RSPH3: variants seen among roughly 807,000 people sequenced by gnomAD.
RSPH3 encodes the protein radial spoke head protein 3 homolog.
RSPH3 carries 21 observed loss-of-function variants against 43.8 expected under a neutral mutation model. That is an observed-to-expected ratio of 0.48 (90% CI 0.34 to 0.69). The LOEUF (loss-of-function observed/expected upper bound fraction) is 0.69. Ranked by LOEUF, RSPH3 falls within the 30% of genes least tolerant of loss-of-function variation. RSPH3 has a pLI of 0.01. For synonymous variants in RSPH3, 173 were observed against 179.8 expected, an observed-to-expected ratio of 0.96 and a Z score of 0.30; for missense variants, 487 against 516.0, an observed-to-expected ratio of 0.94 and a Z score of 0.54.
intron 1 of RSPH3, among the ~76,000 whole-genome samples, chr6:158,994,134 T>C (rs1163073207): frequency 1.3e-5 from 2 of 152,228 alleles, no homozygotes; most frequent in Non-Finnish European, 2.9e-5. Context: ...TTATTTTATT[T>C]ATTATTCACA....
At chr6:158,994,881 T>C (rs1290704732) in intron 1 of RSPH3, among the ~76,000 whole-genome samples, 1 of 152,200 alleles carries the variant, frequency 6.6e-6, no homozygotes, top group East Asian at 1.9e-4. Context: ...GAAGCCACTA[T>C]TGAACATTCT....
rs1340005568 is a variant in RSPH3 at position 158,993,924 on chromosome 6, T to C, written c.119A>G (p.Asp40Gly). 8 of 1,599,364 alleles carry C rather than the reference T, an allele frequency of 5.0e-6. No homozygotes were observed. Among genetic ancestry groups the C allele is most frequent in the Non-Finnish European group, 6.9e-6 (8 of 1,167,074 alleles). ...SRYRDSLTQP[D>G]EEPMHYGNIM... ...GTTTCCATAATGCATAGGTTCTTCA[T>C]CTCTGTAAAACAGAAAATTCTGTAT... is the stretch of plus-strand genomic sequence containing the variant. Residue 40 changes from aspartate to glycine, a missense_variant and splice_region_variant, in exon 2 of 8, where the codon GAT (aspartate) becomes GGT (glycine). Physicochemically the swap from Asp to Gly is moderately conservative, Grantham distance 94. Coordinates refer to ENST00000367069, the MANE Select transcript of RSPH3 (RefSeq NM_031924.8).
chr6:158,973,894 C>T lies in RSPH3; in HGVS notation c.*3644G>A, dbSNP rs1281267074. The T allele has an allele frequency of 6.6e-6, 1 of 151,446 alleles. No individual in the cohort carries two copies. Among genetic ancestry groups the T allele is most frequent in the Non-Finnish European group, 1.5e-5 (1 of 67,920 alleles). The allele number at this position is 151,446 out of a possible 1,614,324, so 9.4% of individuals were successfully genotyped here. On this transcript the variant is annotated 3_prime_UTR_variant, in exon 8 of 8. Transcript: ENST00000367069. The stretch of plus-strand genomic sequence containing the variant: ...ACCGGGCTGGAGTGCAGCGGCGCGA[C>T]CTCCTGGGTTCAAGTGATTCTTATG...
chr6:158,999,331 G>T, intron 1 of RSPH3, 104 bp downstream of exon 1: 1 of 1,068,236 alleles, frequency 9.4e-7, no homozygotes, highest in Non-Finnish European at 1.3e-6. Context: ...TGCAGCCAAG[G>T]GAAGACAGCA....
intron 7 of RSPH3, 151 bp downstream of exon 7, chr6:158,978,109 T>C: frequency 9.4e-6 from 6 of 636,908 alleles, no homozygotes; most frequent in Non-Finnish European, 1.6e-5. Flanking sequence ...CCAAAAATAA[T>C]ATTGAGGGTA....
intron 1 of RSPH3, among the ~76,000 whole-genome samples, chr6:158,999,221 T>C (rs1406627385): frequency 2.6e-5 from 4 of 152,180 alleles, no homozygotes; most frequent in African/African-American, 9.7e-5. Flanking sequence ...CAGCAACTCA[T>C]ATCACTAAAA....
chr6:158,999,150 A>G (rs1250862088), intron 1 of RSPH3, among the ~76,000 whole-genome samples: 1 of 152,256 alleles, frequency 6.6e-6, no homozygotes, highest in Non-Finnish European at 1.5e-5. Context: ...CCCTCAATAC[A>G]CACTGGTACA....
chr6:158,964,643 C>A, the RSPH3 span, among the ~76,000 whole-genome samples: 6 of 152,000 alleles, frequency 3.9e-5, no homozygotes, highest in East Asian at 9.6e-4. Context: ...TCTCTTTAAA[C>A]CCTTTACTCA....
At chr6:158,982,218 C>T (rs2128606532) in intron 5 of RSPH3, among the ~76,000 whole-genome samples, 1 of 152,310 alleles carries the variant, frequency 6.6e-6, no homozygotes, top group South Asian at 2.1e-4. Flanking sequence ...AACTGGCACA[C>T]ATGTAACTTA....
chr6:158,969,265 G>T (rs1168528192), downstream of RSPH3, among the ~76,000 whole-genome samples: 6 of 152,144 alleles, frequency 3.9e-5, no homozygotes, highest in Non-Finnish European at 5.9e-5. Context: ...TCATTTTAAA[G>T]GATAGTTTTG....
rs1163057080 is a variant in RSPH3, at chr6:158,983,773, TA to T, written c.380del (p.Ile127LysfsTer35). Reference sequence around the variant, plus strand: ...CTGTTTGGCATTCCATATCAACTTCTATTATGCGATCAGCAATTTCTTCAAG... The same window carrying T: ...CTGTTTGGCATTCCATATCAACTTCTTTATGCGATCAGCAATTTCTTCAAG... ...LYLEEIADRI[I>X]EVDMECQTDA... On this transcript the variant is annotated frameshift_variant, in exon 4 of 8. Transcript: ENST00000367069. LOFTEE classifies it high-confidence loss of function. 1 of 1,603,336 alleles carries T rather than the reference TA, an allele frequency of 6.2e-7. No individual in the cohort carries two copies. The highest frequency in any genetic ancestry group is 1.7e-5 in the Admixed American group (1 of 59,986).
In RSPH3 at chr6:158,984,434, T is replaced by TTTTATATATATATATATATA. The variant is rs1300418942; in HGVS notation, c.347-628_347-627insTATATATATATATATATAAA. Among the ~76,000 whole-genome samples the TTTTATATATATATATATATA allele has an allele frequency of 6.8e-3, 430 of 63,610 alleles. 49 individuals carry two copies. Among genetic ancestry groups the TTTTATATATATATATATATA allele is most frequent in the East Asian group, 0.017 (30 of 1,736 alleles). 41.7% of individuals were successfully genotyped at this position (63,610 alleles called of 152,430 possible). ...AGTACAACAGTGGATAAAAAGTCAATTATATATATATATATATATATATAT... is the reference window on the plus strand; with the variant it reads ...AGTACAACAGTGGATAAAAAGTCAATTTTATATATATATATATATATATATATATATATATATATATATAT... On this transcript the variant is annotated intron_variant, in intron 3 of 7. Transcript: ENST00000367069.
downstream of RSPH3, among the ~76,000 whole-genome samples, chr6:158,972,255 T>C (rs529128525): frequency 6.6e-6 from 1 of 152,266 alleles, no homozygotes; most frequent in South Asian, 2.1e-4. Flanking sequence ...TAAGACAGAA[T>C]TGCTATCTAC....
rs1777893617 is a variant in RSPH3, at chr6:158,977,703, G to A, written c.1092C>T (p.Ser364=). The change falls in exon 8 of 8, where the codon AGC becomes AGT. Residue 364 remains serine (S), a synonymous_variant. Transcript: ENST00000367069. ...SLEASEFLEQ[S]MSQTRELLLD... is the part of the protein sequence containing the mutation. ...AAAGCAGCTCCCGTGTCTGTGACATGCTCTGCTCCAGGAATTCAGAGGCCT... is the reference window on the plus strand; with the variant it reads ...AAAGCAGCTCCCGTGTCTGTGACATACTCTGCTCCAGGAATTCAGAGGCCT... The A allele has an allele frequency of 6.2e-7, 1 of 1,614,118 alleles. No homozygotes were observed.
chr6:158,980,871 G>A lies in RSPH3; in HGVS notation c.762C>T (p.Ala254=), dbSNP rs144434227. The A allele has an allele frequency of 2.7e-5, 44 of 1,614,016 alleles. No homozygotes were observed. In the African/African-American group the frequency reaches 5.2e-4, roughly 19 times the overall value. The change falls in exon 6 of 8, where the codon GCC becomes GCT. Residue 254 remains alanine (A), a synonymous_variant. Coordinates refer to ENST00000367069, the MANE Select transcript of RSPH3 (RefSeq NM_031924.8). ...GGTAACGCTGTGCAAATGCTCGGGC[G>A]GCGATTTTTTGTGATGTCTCGTTGT... ...HKHNETSQKI[A]ARAFAQRYLA... is the part of the protein sequence containing the mutation.
chr6:158,970,873 C>T (rs1191252756), downstream of RSPH3, among the ~76,000 whole-genome samples: 1 of 152,088 alleles, frequency 6.6e-6, no homozygotes, highest in East Asian at 1.9e-4. Context: ...TTTTAAAGCC[C>T]CTTATCACCA....
At chr6:158,979,670 T>C (rs1005329008) in intron 6 of RSPH3, among the ~76,000 whole-genome samples, 1 of 152,258 alleles carries the variant, frequency 6.6e-6, no homozygotes, top group African/African-American at 2.4e-5. Flanking sequence ...TATTTGTCTG[T>C]GATCTGACCT....
chr6:158,986,467 A>G (rs375486433), intron 2 of RSPH3, 46 bp from the exon 3 acceptor site: 250 of 1,540,912 alleles, frequency 1.6e-4, no homozygotes, highest in Non-Finnish European at 2.1e-4. Flanking sequence ...AATATTTATT[A>G]AAGCATACAG....
At chr6:158,964,620 C>A in the RSPH3 span, among the ~76,000 whole-genome samples, 1 of 152,004 alleles carries the variant, frequency 6.6e-6, no homozygotes, top group Non-Finnish European at 1.5e-5. Flanking sequence ...TGTTTAAATT[C>A]TTTAGAGAAA....
Sources: allele counts gnomAD v4.1 joint callset (sites outside exome capture counted in the v4.1 genomes callset), GRCh38; gene constraint gnomAD v4.1.1; transcripts MANE v1.5; gene names NCBI Gene and HGNC (gene_info 2026-07-23, HGNC 2026-07-21).